POLK: variants seen among roughly 807,000 people sequenced by gnomAD.
The protein encoded by POLK is polymerase (DNA directed) kappa.
A neutral mutation model predicts 94.0 loss-of-function variants in POLK; 76 were observed. That is an observed-to-expected ratio of 0.81 (90% CI 0.67 to 0.98). The LOEUF (loss-of-function observed/expected upper bound fraction) is 0.98. Ranked by LOEUF, POLK falls within the 50% of genes least tolerant of loss-of-function variation. POLK has a pLI of 0.00. For synonymous variants in POLK, 349 were observed against 325.4 expected, an observed-to-expected ratio of 1.07 and a Z score of -0.78; for missense variants, 954 against 1,010.1, an observed-to-expected ratio of 0.94 and a Z score of 0.75.
intron 4 of POLK, among the ~76,000 whole-genome samples, chr5:75,570,839 A>G (rs1771550284): frequency 6.6e-6 from 1 of 152,198 alleles, no homozygotes; most frequent in Non-Finnish European, 1.5e-5. Context: ...TGATTATTTT[A>G]TTATAAAACT....
intron 5 of POLK, among the ~76,000 whole-genome samples, chr5:75,575,154 A>G (rs1372253351): frequency 2.0e-5 from 3 of 152,198 alleles, no homozygotes; most frequent in Non-Finnish European, 4.4e-5. Flanking sequence ...ATAAATATTC[A>G]TGACTTGGTT....
intron 3 of POLK, among the ~76,000 whole-genome samples, chr5:75,564,005 C>T (rs1771131469): frequency 6.6e-6 from 1 of 152,124 alleles, no homozygotes; most frequent in African/African-American, 2.4e-5. Flanking sequence ...GTTAAAGTCT[C>T]CCACTGTTAT....
downstream of POLK, among the ~76,000 whole-genome samples, chr5:75,604,035 GA>G (rs1773360630): frequency 6.6e-6 from 1 of 152,194 alleles, no homozygotes; most frequent in Admixed American, 6.5e-5. Flanking sequence ...GCACACAGTA[GA>G]TACGGAGAGT....
At chr5:75,516,127 C>T (rs528110726) in intron 1 of POLK, among the ~76,000 whole-genome samples, 3 of 151,754 alleles carry the variant, frequency 2.0e-5, no homozygotes, top group South Asian at 2.1e-4. Flanking sequence ...GTTACTAATC[C>T]CTTGTCAGAT....
chr5:75,581,890 AG>A (rs2112822674), intron 7 of POLK: 1 of 199,012 alleles, frequency 5.0e-6, no homozygotes, highest in Non-Finnish European at 9.2e-6. Context: ...CATGTTAGCC[AG>A]GATGGTCTCC....
intron 2 of POLK, 122 bp from the exon 3 acceptor site, chr5:75,552,350 A>C: frequency 7.6e-6 from 6 of 793,586 alleles, no homozygotes; most frequent in Non-Finnish European, 1.2e-5. Flanking sequence ...AGTAAGTAGT[A>C]GAGCTAAGTT....
At chr5:75,587,820 T>C (rs1772551702) in intron 10 of POLK, among the ~76,000 whole-genome samples, 2 of 152,136 alleles carry the variant, frequency 1.3e-5, no homozygotes, top group Admixed American at 6.5e-5. Context: ...CTTGGGTGGC[T>C]GAGGCACAAG....
chr5:75,595,272 A>AAAAAAAAC (rs1773015667), intron 12 of POLK, among the ~76,000 whole-genome samples: 2 of 149,084 alleles, frequency 1.3e-5, no homozygotes, highest in South Asian at 2.1e-4. Flanking sequence ...AAAAAAAAAA[A>AAAAAAAAC]AGCCCAAGAG....
At chr5:75,601,681 A>G (rs552345238), downstream of POLK, among the ~76,000 whole-genome samples, 146 of 151,676 alleles carry the variant, frequency 9.6e-4, 1 homozygote, top group Non-Finnish European at 1.6e-3. Context: ...CAGCTTTTGG[A>G]CTCTTGGACT....
rs529384398 is a variant in POLK at position 75,566,206 on chromosome 5, G to A, written c.256-3134G>A. Among the ~76,000 whole-genome samples the A allele has an allele frequency of 4.6e-5, 7 of 152,306 alleles. No individual in the cohort carries two copies. In the South Asian group the frequency reaches 6.2e-4, roughly 14 times the overall value. On this transcript the variant is annotated intron_variant, in intron 3 of 14. Transcript: ENST00000241436. ...TACTCAGGCCTCAGTAATGGATGACGCACCTCCCTTCACCAAGCTGGAGTG... is the reference window on the plus strand; with the variant it reads ...TACTCAGGCCTCAGTAATGGATGACACACCTCCCTTCACCAAGCTGGAGTG...
upstream of POLK, chr5:75,511,536 A>G (rs1580883036): frequency 1.4e-6 from 2 of 1,458,532 alleles, no homozygotes; most frequent in Non-Finnish European, 1.8e-6. Context: ...GGGAAGGAAA[A>G]GGGAAAAGAA....
intron 1 of POLK, among the ~76,000 whole-genome samples, chr5:75,532,185 C>T (rs1769214602): frequency 1.3e-5 from 2 of 151,992 alleles, no homozygotes; most frequent in Non-Finnish European, 2.9e-5. Flanking sequence ...AGATTGTCAC[C>T]CAGGTAATAA....
Position 75,574,840 on chromosome 5 carries a change from A to G in POLK, c.540+971A>G, listed in dbSNP as rs571371562. 5.3e-5 allele frequency among the ~76,000 whole-genome samples: 8 copies of G among 152,302 alleles called. No homozygotes were observed. The South Asian group carries it at 1.7e-3, about 32-fold the overall frequency. On this transcript the variant is annotated intron_variant, in intron 5 of 14. Coordinates refer to ENST00000241436, the Ensembl canonical transcript of POLK. ...CATTTGGTTACTGCTTATCTCTTTC[A>G]TTGTATTCCTAATTAAAAAGAGATA...
At chr5:75,575,255 A>G (rs1771814383) in intron 5 of POLK, among the ~76,000 whole-genome samples, 1 of 152,164 alleles carries the variant, frequency 6.6e-6, no homozygotes, top group South Asian at 2.1e-4. Context: ...ATCATACCTC[A>G]CTATAACCTT....
chr5:75,533,121 G>A (rs1208689172), intron 1 of POLK, among the ~76,000 whole-genome samples: 1 of 152,030 alleles, frequency 6.6e-6, no homozygotes, highest in East Asian at 1.9e-4. Flanking sequence ...TGTTTTTGTT[G>A]TAATTGCTTT....
rs189396821 is a variant in POLK at position 75,524,138 on chromosome 5, A to C, written c.-14+12224A>C. ...AGTGAGACTCCGTCTCAAAAAAAAA[A>C]AACAACAAAAAAAAACTTTCAGATT... On this transcript the variant is annotated intron_variant, in intron 1 of 14. Coordinates refer to ENST00000241436, the Ensembl canonical transcript of POLK. 1.3e-3 allele frequency among the ~76,000 whole-genome samples: 198 copies of C among 152,216 alleles called. 1 individual carries two copies. Among genetic ancestry groups the C allele is most frequent in the East Asian group, 8.9e-3 (46 of 5,186 alleles).
chr5:75,542,220 A>G, intron 1 of POLK, among the ~76,000 whole-genome samples: 1 of 152,102 alleles, frequency 6.6e-6, no homozygotes, highest in Non-Finnish European at 1.5e-5. Context: ...GCATTTGGTT[A>G]TTTATAGTAT....
intron 1 of POLK, among the ~76,000 whole-genome samples, chr5:75,526,804 C>T (rs1474820185): frequency 2.0e-5 from 3 of 152,142 alleles, no homozygotes; most frequent in Non-Finnish European, 4.4e-5. Context: ...TGGTCTCGAA[C>T]TCCTGGCCTC....
At chr5:75,590,636 T>A (rs1772735641) in intron 11 of POLK, 196 bp downstream of exon 11, 1 of 532,510 alleles carries the variant, frequency 1.9e-6, no homozygotes. Flanking sequence ...ATGAGGTGAT[T>A]CTATGAAGAA....
Sources: gnomAD v4.1 joint callset for allele counts (sites outside exome capture counted in the v4.1 genomes callset) on GRCh38, gnomAD v4.1.1 for gene constraint, MANE v1.5 for transcripts, NCBI Gene and HGNC (gene_info 2026-07-23, HGNC 2026-07-21) for gene names.